ADAMTS12: variants seen among roughly 807,000 people sequenced by gnomAD.
ADAMTS12 encodes ADAM metallopeptidase with thrombospondin type 1 motif 12, also known as A disintegrin and metalloproteinase with thrombospondin motifs 12.
In ADAMTS12, 118 loss-of-function variants were observed where a neutral mutation model predicts 167.8. That is an observed-to-expected ratio of 0.70 (90% CI 0.61 to 0.82). The LOEUF (loss-of-function observed/expected upper bound fraction) is 0.82. ADAMTS12 is among the 40% of genes least tolerant of loss of function. ADAMTS12 has a pLI of 0.00. For missense variants in ADAMTS12, 1,916 were observed against 1,998.8 expected, an observed-to-expected ratio of 0.96 and a Z score of 0.79; for synonymous variants, 704 against 716.9, an observed-to-expected ratio of 0.98 and a Z score of 0.29.
At position 33,549,843 on chromosome 5, in the gene ADAMTS12, G is replaced by T. The variant is rs530505417; in HGVS notation, c.4126-460C>A. 3.3e-5 allele frequency among the ~76,000 whole-genome samples: 5 copies of T among 152,382 alleles called. No individual in the cohort carries two copies. In the South Asian group the frequency reaches 8.3e-4, roughly 25 times the overall value. ...TGGGCATGGCTGCTAAGCCTTGTCCGTCTTTCCTTCAGAATACTGGTTTTC... is the reference window on the plus strand; with the variant it reads ...TGGGCATGGCTGCTAAGCCTTGTCCTTCTTTCCTTCAGAATACTGGTTTTC... On this transcript the variant is annotated intron_variant, in intron 20 of 23. Coordinates refer to ENST00000504830, the MANE Select transcript of ADAMTS12 (RefSeq NM_030955.4).
Position 33,595,038 on chromosome 5 carries a change from A to AGAGAAT in ADAMTS12, c.2654+890_2654+895dup, listed in dbSNP as rs1215991539. Among the ~76,000 whole-genome samples the AGAGAAT allele has an allele frequency of 3.9e-5, 6 of 152,312 alleles. No homozygotes were observed. In the East Asian group the frequency reaches 1.2e-3, roughly 29 times the overall value. On this transcript the variant is annotated intron_variant, in intron 17 of 23. Transcript: ENST00000504830. ...AAATACATCCCTGTTTAAGGTTGCCAGAGAATGAAGACTCTTTCTGGAAAT... is the reference window on the plus strand; with the variant it reads ...AAATACATCCCTGTTTAAGGTTGCCAGAGAATGAGAATGAAGACTCTTTCTGGAAAT...
Position 33,651,889 on chromosome 5 carries a change from ATGAGGTATTTGATTTTCTAAGTTATT to A in ADAMTS12, c.1191-2218_1191-2193del, listed in dbSNP as rs1233451860. On this transcript the variant is annotated intron_variant, in intron 7 of 23. Transcript: ENST00000504830. The stretch of plus-strand genomic sequence containing the variant: ...TTAGCTCCCACTTGTAAGTGAGAAT[ATGAGGTATTTGATTTTCTAAGTTATT>A]TCACTTAGGATAATGGTCTCCAACT... Among the ~76,000 whole-genome samples, 3 of 152,150 alleles carry A rather than the reference ATGAGGTATTTGATTTTCTAAGTTATT, an allele frequency of 2.0e-5. No homozygotes were observed. In the East Asian group the frequency reaches 5.8e-4, roughly 29 times the overall value.
chr5:33,661,776 T>G, intron 6 of ADAMTS12, 140 bp downstream of exon 6: 2 of 1,187,160 alleles, frequency 1.7e-6, no homozygotes, highest in Non-Finnish European at 1.2e-6. Context: ...AAGTCAGGAG[T>G]TGACTAGATC....
At chr5:33,555,887 C>G (rs1258361722) in intron 20 of ADAMTS12, among the ~76,000 whole-genome samples, 1 of 152,178 alleles carries the variant, frequency 6.6e-6, no homozygotes, top group Non-Finnish European at 1.5e-5. Flanking sequence ...TTCAGGAACA[C>G]TTTGAGCACC....
intron 3 of ADAMTS12, among the ~76,000 whole-genome samples, chr5:33,742,233 T>A (rs1744614477): frequency 6.6e-6 from 1 of 151,866 alleles, no homozygotes; most frequent in African/African-American, 2.4e-5. Flanking sequence ...AGGGGATTCA[T>A]TAATCTGCCT....
chr5:33,769,328 C>T (rs1387584632), intron 2 of ADAMTS12, among the ~76,000 whole-genome samples: 2 of 152,172 alleles, frequency 1.3e-5, no homozygotes, highest in Non-Finnish European at 2.9e-5. Context: ...ACAGCTAAAG[C>T]AGCATGGTTA....
In ADAMTS12 at chr5:33,576,623, G is replaced by T; in HGVS notation, c.3403C>A (p.Pro1135Thr). 6.2e-7 allele frequency: 1 copy of T among 1,614,198 alleles called. No homozygotes were observed. The highest frequency in any genetic ancestry group is 2.2e-5 in the East Asian group (1 of 44,884). ...SGSGLSSSRN[P>T]ITWPVTPFYN... is the part of the protein sequence containing the mutation. ...AATGGAGTCACAGGCCAAGTGATAG[G>T]GTTGCGGGAAGATGACAAGCCAGAA... The change falls in exon 19 of 24, where the codon CCT becomes ACT. Residue 1135 changes from proline (P) to threonine (T), a missense_variant. Physicochemically the swap from Pro to Thr is conservative, Grantham distance 38. Transcript: ENST00000504830.
At chr5:33,592,809 A>G (rs1213860096) in intron 17 of ADAMTS12, among the ~76,000 whole-genome samples, 2 of 152,226 alleles carry the variant, frequency 1.3e-5, no homozygotes, top group Non-Finnish European at 2.9e-5. Flanking sequence ...AACCTTGCAC[A>G]GGAAATTTTT....
chr5:33,604,376 C>G (rs1738327857), intron 16 of ADAMTS12, among the ~76,000 whole-genome samples: 2 of 152,108 alleles, frequency 1.3e-5, no homozygotes, highest in African/African-American at 4.8e-5. Flanking sequence ...TGGCGCATGC[C>G]TGTAATCCCA....
Position 33,576,271 on chromosome 5 carries a change from C to A in ADAMTS12, c.3755G>T (p.Gly1252Val). 6.2e-7 allele frequency: 1 copy of A among 1,614,184 alleles called. No individual in the cohort carries two copies. Among genetic ancestry groups the A allele is most frequent in the Non-Finnish European group, 8.5e-7 (1 of 1,180,026 alleles). The change falls in exon 19 of 24, where the codon GGA (glycine) becomes GTA (valine). Residue 1252 changes from glycine to valine, a missense_variant. By Grantham distance (109) the Gly-to-Val change is moderately radical. Coordinates refer to ENST00000504830, the MANE Select transcript of ADAMTS12 (RefSeq NM_030955.4). ...TGAGGGTTCTGGCTGGTGGTCTCCT[C>A]CCAGAGGGAGCAGAGTGTTGGCTGG... ...EKPANTLLPL[G>V]GDHQPEPSGK... is the part of the protein sequence containing the mutation.
intron 2 of ADAMTS12, among the ~76,000 whole-genome samples, chr5:33,863,809 A>G (rs867563558): frequency 6.6e-6 from 1 of 152,318 alleles, no homozygotes; most frequent in Middle Eastern, 3.4e-3. Flanking sequence ...AAACTATACT[A>G]CAAGGCTACA....
intron 23 of ADAMTS12, among the ~76,000 whole-genome samples, chr5:33,532,336 A>G (rs994811622): frequency 1.3e-5 from 2 of 152,202 alleles, no homozygotes; most frequent in East Asian, 3.9e-4. Flanking sequence ...CTTCTCTGAG[A>G]CATCTTGTGA....
chr5:33,661,748 T>C (rs1741267849), intron 6 of ADAMTS12, among the ~76,000 whole-genome samples, 168 bp downstream of exon 6: 1 of 152,208 alleles, frequency 6.6e-6, no homozygotes. Flanking sequence ...TGTTAAACTG[T>C]TTCCTCTACT....
At chr5:33,528,062 C>T (rs1743907976) in intron 23 of ADAMTS12, among the ~76,000 whole-genome samples, 1 of 150,804 alleles carries the variant, frequency 6.6e-6, no homozygotes, top group Non-Finnish European at 1.5e-5. Context: ...GGTATATACA[C>T]CCCAGGAAAT....
intron 17 of ADAMTS12, 66 bp from the exon 18 acceptor site, chr5:33,588,875 G>T: frequency 6.4e-7 from 1 of 1,567,828 alleles, no homozygotes. Flanking sequence ...TTCAACCACT[G>T]AGAAAGCAGG....
intron 2 of ADAMTS12, among the ~76,000 whole-genome samples, chr5:33,787,544 T>C (rs1221812957): frequency 6.6e-6 from 1 of 152,202 alleles, no homozygotes; most frequent in African/African-American, 2.4e-5. Context: ...TTGCCAAGTA[T>C]ATGGGGTAGG....
intron 1 of ADAMTS12, among the ~76,000 whole-genome samples, chr5:33,886,591 CG>C (rs1284378370): frequency 2.0e-5 from 3 of 152,186 alleles, no homozygotes; most frequent in African/African-American, 7.2e-5. Flanking sequence ...CTCCCAGGGA[CG>C]GTGATCTGAC....
At chr5:33,870,851 T>C (rs974775093) in intron 2 of ADAMTS12, among the ~76,000 whole-genome samples, 7 of 152,322 alleles carry the variant, frequency 4.6e-5, no homozygotes, top group African/African-American at 1.7e-4. Context: ...CTATATAAGA[T>C]GTGCCTCCTT....
chr5:33,599,828 T>A (rs1197479173), intron 16 of ADAMTS12, among the ~76,000 whole-genome samples: 1 of 152,204 alleles, frequency 6.6e-6, no homozygotes, highest in East Asian at 1.9e-4. Context: ...GATATTGTAA[T>A]ATCTCTTGTG....
Sources: gnomAD v4.1 joint callset for allele counts (sites outside exome capture counted in the v4.1 genomes callset) on GRCh38, gnomAD v4.1.1 for gene constraint, MANE v1.5 for transcripts, NCBI Gene and HGNC (gene_info 2026-07-23, HGNC 2026-07-21) for gene names.